NARF: variants seen among roughly 807,000 people sequenced by gnomAD.
NARF encodes the protein iron-only hydrogenase-like protein 2.
Under a neutral mutation model 48.0 loss-of-function variants are expected in NARF, and 41 were observed. That is an observed-to-expected ratio of 0.85 (90% CI 0.66 to 1.11). The LOEUF (loss-of-function observed/expected upper bound fraction) is 1.11. NARF is among the 50% of genes least tolerant of loss of function. The pLI, the probability that NARF is intolerant of heterozygous loss-of-function variation, is 0.00. For missense variants in NARF, 613 were observed against 590.2 expected (o/e 1.04, Z -0.40); for synonymous variants, 215 against 225.5 (o/e 0.95, Z 0.42).
intron 6 of NARF, chr17:82,480,779 A>C (rs2043944555): frequency 2.0e-6 from 1 of 503,402 alleles, no homozygotes; most frequent in African/African-American, 1.9e-5. Flanking sequence ...TAAAGTACAA[A>C]AAATTAGCCA....
chr17:82,466,210 T>C (rs939909546), intron 3 of NARF, among the ~76,000 whole-genome samples: 2 of 152,234 alleles, frequency 1.3e-5, no homozygotes, highest in African/African-American at 4.8e-5. Context: ...TGTGTCACTT[T>C]ATGCTTCCCT....
chr17:82,464,449 T>A lies in NARF; in HGVS notation c.252+19T>A. 1 of 1,599,634 alleles carries A rather than the reference T, an allele frequency of 6.3e-7. No homozygotes were observed. The highest frequency in any genetic ancestry group is 8.5e-7 in the Non-Finnish European group (1 of 1,170,486). ...TAACAAGGTAAGGCATTCGGGGCAT[T>A]TGCTGATGCTGGGGAGCTGACCTGG... On this transcript the variant is annotated intron_variant, in intron 3 of 10. Coordinates refer to ENST00000309794, the MANE Select transcript of NARF (RefSeq NM_012336.4).
chr17:82,458,743 C>G lies in NARF; in HGVS notation c.-61C>G, dbSNP rs946471231. On this transcript the variant is annotated 5_prime_UTR_variant, in exon 1 of 11. Transcript: ENST00000309794. ...GGCCGCGGGCGGCGGGCAGTGGTGT[C>G]CCAGTCTCCCGGTGCTTCCCTGAGG... 6.8e-7 allele frequency: 1 copy of G among 1,473,040 alleles called. No individual in the cohort carries two copies. The highest frequency in any genetic ancestry group is 1.5e-5 in the African/African-American group (1 of 68,222). The allele number at this position is 1,473,040 out of a possible 1,614,324, so 91.2% of individuals were successfully genotyped here.
At chr17:82,471,002 A>T (rs1024619893) in intron 4 of NARF, among the ~76,000 whole-genome samples, 7 of 151,482 alleles carry the variant, frequency 4.6e-5, no homozygotes, top group African/African-American at 1.5e-4. Context: ...ATCTCCACTA[A>T]AAATACAAAA....
At position 82,488,370 on chromosome 17, in the gene NARF, CTTTT is replaced by C. The variant is rs909917631; in HGVS notation, c.*219_*222del. ...CTTCATAATAGGTGTGGGATTGGAA[CTTTT>C]TTTTTCTTTTTTTTTTTTTGAGACG... On this transcript the variant is annotated 3_prime_UTR_variant, in exon 11 of 11. Coordinates refer to ENST00000309794, the MANE Select transcript of NARF (RefSeq NM_012336.4). 4.4e-5 allele frequency: 25 copies of C among 566,920 alleles called. No individual in the cohort carries two copies. Among genetic ancestry groups the C allele is most frequent in the Non-Finnish European group, 6.8e-5 (24 of 353,822 alleles). 35.1% of individuals were successfully genotyped at this position (566,920 alleles called of 1,614,324 possible).
intron 3 of NARF, among the ~76,000 whole-genome samples, chr17:82,465,391 C>T (rs566510139): frequency 1.3e-5 from 2 of 152,252 alleles, no homozygotes; most frequent in African/African-American, 4.8e-5. Context: ...CGGGAAGCAC[C>T]GGCATCCTAC....
intron 10 of NARF, 121 bp from the exon 11 acceptor site, chr17:82,487,795 T>G: frequency 7.9e-5 from 35 of 444,278 alleles, no homozygotes; most frequent in Middle Eastern, 4.4e-4. Context: ...GCCCAATCTC[T>G]ACAAAAAATT....
chr17:82,458,501 C>G (rs28365944), upstream of NARF: 158,611 of 364,816 alleles, frequency 0.43, 39,321 homozygotes, highest in East Asian at 0.92. Context: ...CCCGGTCCCC[C>G]CGGCGCCGTA....
At chr17:82,471,921 G>A (rs564271475) in intron 4 of NARF, among the ~76,000 whole-genome samples, 1 of 152,002 alleles carries the variant, frequency 6.6e-6, no homozygotes. Flanking sequence ...CTGTGGGTAC[G>A]TTGTAATATT....
intron 5 of NARF, among the ~76,000 whole-genome samples, chr17:82,476,445 A>C (rs757942064): frequency 6.7e-6 from 1 of 149,312 alleles, no homozygotes; most frequent in Non-Finnish European, 1.5e-5. Flanking sequence ...CCCAGCTAAC[A>C]CTTTTTTGTT....
rs1174895607 is a variant in NARF, at chr17:82,471,492, C to T, written c.386-1072C>T. ...AAAAATTCAGTATAAAAATTTAAGC[C>T]ATTATAAAAGTATGCCCTTGCCGGG... is the stretch of plus-strand genomic sequence containing the variant. On this transcript the variant is annotated intron_variant, in intron 4 of 10. Transcript: ENST00000309794. Among the ~76,000 whole-genome samples the T allele has an allele frequency of 2.7e-5, 4 of 149,862 alleles. No individual in the cohort carries two copies. The Admixed American group carries it at 2.7e-4, about 10-fold the overall frequency.
In NARF at chr17:82,459,990, A is replaced by T. The variant is rs2043394041; in HGVS notation, c.28-2A>T. On this transcript the variant is annotated splice_acceptor_variant, in intron 1 of 10. Transcript: ENST00000309794. LOFTEE classifies it high-confidence loss of function. ...TTGATAATGTTCCTTTGCTTTTTTAAGGAATGTAGTAAGAAAACAAAAACT... is the reference window on the plus strand; with the variant it reads ...TTGATAATGTTCCTTTGCTTTTTTATGGAATGTAGTAAGAAAACAAAAACT... 1 of 1,611,940 alleles carries T rather than the reference A, an allele frequency of 6.2e-7. No individual in the cohort carries two copies. Among genetic ancestry groups the T allele is most frequent in the Non-Finnish European group, 8.5e-7 (1 of 1,178,688 alleles).
intron 5 of NARF, 173 bp from the exon 6 acceptor site, chr17:82,478,627 G>A (rs1337032065): frequency 8.5e-6 from 6 of 705,644 alleles, no homozygotes; most frequent in South Asian, 3.0e-5. Context: ...ACCCACAGCC[G>A]GGCCACCGAG....
At position 82,459,025 on chromosome 17, in the gene NARF, G is replaced by T. The variant is rs1028834878; in HGVS notation, c.27+195G>T. ...CGCTGCGCTCTGCAGGGCGGGTTCG[G>T]TCTTCGCGGTTCTCCCTGAACTTGT... On this transcript the variant is annotated intron_variant, in intron 1 of 10. Transcript: ENST00000309794. 3 of 1,208,686 alleles carry T rather than the reference G, an allele frequency of 2.5e-6. No individual in the cohort carries two copies. The African/African-American group carries it at 4.7e-5, about 19-fold the overall frequency. The allele number at this position is 1,208,686 out of a possible 1,614,324, so 74.9% of individuals were successfully genotyped here.
At chr17:82,482,157 C>A in intron 7 of NARF, 1 of 324,622 alleles carries the variant, frequency 3.1e-6, no homozygotes, top group Non-Finnish European at 6.1e-6. Context: ...CAGGTCCCTG[C>A]AGGTATTTAG....
chr17:82,475,260 T>A (rs1419296122), intron 5 of NARF, among the ~76,000 whole-genome samples: 1 of 152,178 alleles, frequency 6.6e-6, no homozygotes, highest in Non-Finnish European at 1.5e-5. Context: ...CCGTGTAAAA[T>A]GACAACGAAC....
chr17:82,458,961 C>T (rs2143803417), intron 1 of NARF, 131 bp downstream of exon 1: 1 of 1,221,138 alleles, frequency 8.2e-7, no homozygotes, highest in Non-Finnish European at 1.0e-6. Flanking sequence ...GCCTCGGCAC[C>T]CTGGGCCCGC....
intron 8 of NARF, chr17:82,484,612 T>C: frequency 1.9e-6 from 1 of 521,718 alleles, no homozygotes; most frequent in Non-Finnish European, 3.2e-6. Flanking sequence ...GTCCTCCGCC[T>C]TGCCCGAGCA....
chr17:82,471,716 C>T (rs1033560155), intron 4 of NARF, among the ~76,000 whole-genome samples: 8 of 137,084 alleles, frequency 5.8e-5, no homozygotes, highest in African/African-American at 2.2e-4. Context: ...GGCATGAACC[C>T]AAGAGGCGGA....
Sources: allele counts gnomAD v4.1 joint callset (sites outside exome capture counted in the v4.1 genomes callset), GRCh38; gene constraint gnomAD v4.1.1; transcripts MANE v1.5; gene names NCBI Gene and HGNC (gene_info 2026-07-23, HGNC 2026-07-21).